Variants in NAV3 observed in about 807,000 individuals in gnomAD.
The protein encoded by NAV3 is neuron navigator 3.
NAV3 carries 87 observed loss-of-function variants against 244.7 expected under a neutral mutation model. The observed-to-expected ratio is 0.36, with a 90% confidence interval of 0.30 to 0.42. The LOEUF is 0.42. NAV3 is among the 20% of genes least tolerant of loss of function. The pLI, the probability that NAV3 is intolerant of heterozygous loss-of-function variation, is 1.00. For synonymous variants in NAV3, 1,126 were observed against 1,042.2 expected (o/e 1.08, Z -1.55); for missense variants, 2,663 against 2,893.3 (o/e 0.92, Z 1.83).
chr12:77,671,645 C>G (rs935334964), intron 2 of NAV3, among the ~76,000 whole-genome samples: 5 of 151,994 alleles, frequency 3.3e-5, no homozygotes, highest in African/African-American at 1.2e-4. Context: ...ATAAAGCAAA[C>G]AAAAACGCAG....
At chr12:77,604,198 T>A (rs967415411) in intron 2 of NAV3, among the ~76,000 whole-genome samples, 97 of 152,028 alleles carry the variant, frequency 6.4e-4, no homozygotes, top group African/African-American at 2.3e-3. Context: ...ATACCACCAA[T>A]CTGCATAGAC....
chr12:78,055,440 G>T (rs1014808879), intron 11 of NAV3, among the ~76,000 whole-genome samples: 1 of 152,102 alleles, frequency 6.6e-6, no homozygotes, highest in Non-Finnish European at 1.5e-5. Context: ...TGCATAATAT[G>T]TTAACTATAT....
At chr12:77,792,393 A>AT (rs1871219232) in intron 2 of NAV3, among the ~76,000 whole-genome samples, 1 of 152,164 alleles carries the variant, frequency 6.6e-6, no homozygotes, top group Non-Finnish European at 1.5e-5. Context: ...TGGTGCCCAA[A>AT]TATCAGGTAG....
chr12:78,194,625 C>T (rs1358389780), intron 34 of NAV3, among the ~76,000 whole-genome samples: 2 of 152,018 alleles, frequency 1.3e-5, no homozygotes, highest in Non-Finnish European at 2.9e-5. Flanking sequence ...TGACTACTTA[C>T]TCAGGTCACC....
chr12:77,919,186 G>A (rs1887465965), intron 1 of NAV3, among the ~76,000 whole-genome samples: 3 of 152,062 alleles, frequency 2.0e-5, no homozygotes, highest in Admixed American at 1.3e-4. Context: ...TCTATGGCCA[G>A]AGAAATGGAT....
chr12:78,079,527 G>A (rs186570786), intron 12 of NAV3, among the ~76,000 whole-genome samples: 4 of 152,186 alleles, frequency 2.6e-5, no homozygotes, highest in South Asian at 2.1e-4. Flanking sequence ...TTAAAAGGAC[G>A]ATTATAAAGA....
At chr12:77,994,894 A>AT in intron 6 of NAV3, 23 bp downstream of exon 6, 1 of 1,528,906 alleles carries the variant, frequency 6.5e-7, no homozygotes, top group Non-Finnish European at 9.0e-7. Flanking sequence ...TCTCTAATTT[A>AT]TTGCTTATTA....
At chr12:77,874,261 C>T (rs1396669354) in intron 1 of NAV3, among the ~76,000 whole-genome samples, 1 of 151,960 alleles carries the variant, frequency 6.6e-6, no homozygotes, top group Non-Finnish European at 1.5e-5. Flanking sequence ...CTGTGTTGCC[C>T]AGGTTGGAGT....
chr12:78,182,712 C>T (rs955826436), intron 30 of NAV3, among the ~76,000 whole-genome samples: 9 of 151,540 alleles, frequency 5.9e-5, no homozygotes, highest in Non-Finnish European at 8.8e-5. Flanking sequence ...CCAAGTTTTA[C>T]GTTTTTTTAA....
intron 1 of NAV3, among the ~76,000 whole-genome samples, chr12:77,893,516 T>C (rs1205428785): frequency 6.6e-6 from 1 of 152,028 alleles, no homozygotes; most frequent in Non-Finnish European, 1.5e-5. Context: ...TGTATATTGA[T>C]ACATGGCATC....
At chr12:77,956,859 C>T (rs1891413069) in intron 3 of NAV3, among the ~76,000 whole-genome samples, 1 of 152,132 alleles carries the variant, frequency 6.6e-6, no homozygotes, top group South Asian at 2.1e-4. Flanking sequence ...TCTCCTGCCT[C>T]AGCCTCCAGA....
In NAV3 at chr12:77,621,475, CT is replaced by C. The variant is rs771827988; in HGVS notation, c.72+49210del. The stretch of plus-strand genomic sequence containing the variant: ...GAACTCTACCTCTTTTTTTTCTCTT[CT>C]CTTTTTTTTTTTTTTTTGCTTTGAG... On this transcript the variant is annotated intron_variant, in intron 2 of 8. Transcript: ENST00000550042. Among the ~76,000 whole-genome samples, 1,292 of 142,050 alleles carry C rather than the reference CT, an allele frequency of 9.1e-3. 23 individuals are homozygous for C. Among genetic ancestry groups the C allele is most frequent in the African/African-American group, 0.034 (1,209 of 35,844 alleles). 93.2% of individuals were successfully genotyped at this position (142,050 alleles called of 152,430 possible). A position where few individuals can be genotyped will look rare whatever the true frequency, so the allele number is the denominator to read the frequency against.
chr12:77,919,296 A>C (rs557453087), intron 1 of NAV3, among the ~76,000 whole-genome samples: 2 of 152,216 alleles, frequency 1.3e-5, no homozygotes, highest in East Asian at 3.9e-4. Flanking sequence ...TGGTATCCAC[A>C]TGAATTTCCA....
chr12:78,206,875 T>TTG (rs71088372), intron 39 of NAV3, among the ~76,000 whole-genome samples: 9 of 101,354 alleles, frequency 8.9e-5, no homozygotes, highest in Admixed American at 2.2e-4. Context: ...TTTTTTTTTT[T>TTG]GAGACAGAGT....
At chr12:77,829,870 T>C (rs73138093), upstream of NAV3, among the ~76,000 whole-genome samples, 11,606 of 152,272 alleles carry the variant, frequency 0.076, 625 homozygotes, top group South Asian at 0.23. Context: ...ATTTCTTCAC[T>C]AAAGAAAGAC....
intron 1 of NAV3, among the ~76,000 whole-genome samples, chr12:77,845,651 CTTT>C (rs36029202): frequency 1.5e-5 from 2 of 129,586 alleles, no homozygotes; most frequent in Admixed American, 1.6e-4. Flanking sequence ...TAGGCTAATA[CTTT>C]TTTTTTTTTT....
At chr12:77,973,732 T>C (rs1195570143) in intron 5 of NAV3, among the ~76,000 whole-genome samples, 1 of 152,126 alleles carries the variant, frequency 6.6e-6, no homozygotes, top group Non-Finnish European at 1.5e-5. Flanking sequence ...GTTATAAATC[T>C]TGAGAAGTAT....
intron 2 of NAV3, among the ~76,000 whole-genome samples, chr12:77,606,744 C>T (rs537907748): frequency 2.6e-5 from 4 of 152,222 alleles, no homozygotes; most frequent in Admixed American, 2.6e-4. Flanking sequence ...GCATTTAGTT[C>T]TTTACATCAC....
intron 12 of NAV3, among the ~76,000 whole-genome samples, chr12:78,082,671 C>T (rs1165188331): frequency 2.6e-5 from 4 of 152,046 alleles, no homozygotes; most frequent in African/African-American, 9.7e-5. Flanking sequence ...AAAGATTATC[C>T]CTGATACCCA....
Sources: gnomAD v4.1 joint callset for allele counts (sites outside exome capture counted in the v4.1 genomes callset) on GRCh38, gnomAD v4.1.1 for gene constraint, MANE v1.5 for transcripts, NCBI Gene and HGNC (gene_info 2026-07-23, HGNC 2026-07-21) for gene names.